DAB1: variants seen among roughly 807,000 people sequenced by gnomAD.
DAB1 encodes the protein disabled homolog 1.
Under a neutral mutation model 64.6 loss-of-function variants are expected in DAB1, and 15 were observed. That is an observed-to-expected ratio of 0.23 (90% confidence interval 0.16 to 0.36). The LOEUF is 0.36. Among genes scored for constraint, DAB1 ranks in the 10% least tolerant of loss-of-function variants. DAB1 has a pLI of 1.00. For missense variants in DAB1, 596 were observed against 706.7 expected, an observed-to-expected ratio of 0.84 and a Z score of 1.78; for synonymous variants, 235 against 251.9, an observed-to-expected ratio of 0.93 and a Z score of 0.64.
At chr1:58,219,466 C>G (rs1659042820) in intron 4 of DAB1, among the ~76,000 whole-genome samples, 1 of 152,158 alleles carries the variant, frequency 6.6e-6, no homozygotes, top group African/African-American at 2.4e-5. Context: ...CAGACTGGGC[C>G]TACCCAATCT....
At chr1:57,945,359 A>G (rs1645168733) in intron 5 of DAB1, among the ~76,000 whole-genome samples, 1 of 152,082 alleles carries the variant, frequency 6.6e-6, no homozygotes, top group South Asian at 2.1e-4. Context: ...TCCTGGGCTC[A>G]AGCCATCCTC....
intron 3 of DAB1, among the ~76,000 whole-genome samples, chr1:58,435,982 G>A (rs1042883176): frequency 6.6e-6 from 1 of 152,222 alleles, no homozygotes; most frequent in Non-Finnish European, 1.5e-5. Context: ...GACTAGTCAT[G>A]ATCTTTCCTC....
intron 3 of DAB1, among the ~76,000 whole-genome samples, chr1:58,376,525 T>G (rs1455435256): frequency 1.4e-5 from 2 of 145,240 alleles, no homozygotes; most frequent in African/African-American, 2.6e-5. Flanking sequence ...CTAGTTTGAT[T>G]GCACTGTGGT....
chr1:57,971,073 G>A (rs960289205), intron 5 of DAB1, among the ~76,000 whole-genome samples: 2 of 152,164 alleles, frequency 1.3e-5, no homozygotes, highest in Admixed American at 1.3e-4. Flanking sequence ...TACATCATCA[G>A]CCCCATTTAC....
At chr1:57,526,684 T>C (rs2101400994) in intron 7 of DAB1, among the ~76,000 whole-genome samples, 1 of 152,282 alleles carries the variant, frequency 6.6e-6, no homozygotes, top group Non-Finnish European at 1.5e-5. Context: ...ATAAGAAAGA[T>C]ATATTTTCTG....
At chr1:57,096,227 C>G (rs1654152883) in intron 4 of DAB1, among the ~76,000 whole-genome samples, 1 of 152,136 alleles carries the variant, frequency 6.6e-6, no homozygotes, top group African/African-American at 2.4e-5. Flanking sequence ...CACTCCAGAG[C>G]CGGTGGTTTT....
At chr1:58,228,607 C>A (rs569227483) in intron 4 of DAB1, 3 of 631,998 alleles carry the variant, frequency 4.7e-6, no homozygotes, top group African/African-American at 3.7e-5. Context: ...TTTCTTGGGA[C>A]CCAGATATGC....
At chr1:57,922,845 C>CAAAAAAAAAAAAAAAAAAAAAAAAAAAA (rs367897659) in intron 5 of DAB1, among the ~76,000 whole-genome samples, 1 of 45,010 alleles carries the variant, frequency 2.2e-5, no homozygotes, top group African/African-American at 1.1e-4. Flanking sequence ...GACTCCATCT[C>CAAAAAAAAAAAAAAAAAAAAAAAAAAAA]AAAAAAAAAA....
chr1:57,514,314 G>C (rs1281249944), intron 7 of DAB1, among the ~76,000 whole-genome samples: 2 of 152,164 alleles, frequency 1.3e-5, no homozygotes, highest in East Asian at 3.9e-4. Context: ...CAGTATACAA[G>C]GGTTCCCTTT....
At chr1:58,378,085 A>T (rs1372432940) in intron 3 of DAB1, among the ~76,000 whole-genome samples, 39 of 129,928 alleles carry the variant, frequency 3.0e-4, no homozygotes, top group Middle Eastern at 3.7e-3. Context: ...ATTCTTCTAA[A>T]TTTTTTTCAA....
rs527887620 is a variant in DAB1 at position 57,987,292 on chromosome 1, A to G, written n.388-103130T>C. Among the ~76,000 whole-genome samples, 3 of 152,138 alleles carry G rather than the reference A, an allele frequency of 2.0e-5. No individual in the cohort carries two copies. In the East Asian group the frequency reaches 5.8e-4, roughly 29 times the overall value. On this transcript the variant is annotated intron_variant and non_coding_transcript_variant, in intron 5 of 20. Coordinates refer to the DAB1 transcript ENST00000485760. ...AGCCACATAGACACATCCGGGTTCT[A>G]TTTTCTATAATGGTAACTTACAGTT... is the stretch of plus-strand genomic sequence containing the variant.
intron 6 of DAB1, among the ~76,000 whole-genome samples, chr1:57,774,671 T>C (rs11207105): frequency 0.17 from 26,473 of 151,774 alleles, 2,995 homozygotes; most frequent in Admixed American, 0.29. Context: ...AGCTGTATTG[T>C]TTTTCTTCTT....
chr1:58,153,922 C>G (rs1025341811), intron 4 of DAB1, among the ~76,000 whole-genome samples: 1 of 150,106 alleles, frequency 6.7e-6, no homozygotes, highest in African/African-American at 2.5e-5. Context: ...AGGACTCCCC[C>G]CAAAACTACT....
intron 14 of DAB1, among the ~76,000 whole-genome samples, chr1:57,004,559 A>G (rs912059630): frequency 6.6e-6 from 1 of 152,180 alleles, no homozygotes. Flanking sequence ...GGATCAGACT[A>G]AAGCTGGAAG....
intron 5 of DAB1, among the ~76,000 whole-genome samples, chr1:58,096,503 C>T (rs1042047820): frequency 4.6e-5 from 7 of 152,132 alleles, no homozygotes; most frequent in East Asian, 1.9e-4. Context: ...CTTATTTACA[C>T]GTCTGTTAAT....
At chr1:57,574,821 G>T (rs1347639838) in intron 7 of DAB1, among the ~76,000 whole-genome samples, 1 of 152,328 alleles carries the variant, frequency 6.6e-6, no homozygotes, top group South Asian at 2.1e-4. Flanking sequence ...GAATCCACAG[G>T]TGGCAGGGAT....
rs543089196 is a variant in DAB1, at chr1:57,658,547, C to T, written n.552-8882G>A. On this transcript the variant is annotated intron_variant and non_coding_transcript_variant, in intron 6 of 20. Coordinates refer to the DAB1 transcript ENST00000485760. ...CTCGATCTCCTGACCTTGTGATCCA[C>T]CCACCTCGGCCTCCCAAAGTTTCTT... is the stretch of plus-strand genomic sequence containing the variant. 3.3e-5 allele frequency among the ~76,000 whole-genome samples: 5 copies of T among 151,668 alleles called. No individual in the cohort carries two copies. The South Asian group carries it at 1.0e-3, about 32-fold the overall frequency.
chr1:58,285,799 G>A (rs566127931), intron 4 of DAB1, among the ~76,000 whole-genome samples: 1 of 152,218 alleles, frequency 6.6e-6, no homozygotes, highest in Non-Finnish European at 1.5e-5. Flanking sequence ...ATTCTTCACA[G>A]AATTAGAAAA....
intron 4 of DAB1, among the ~76,000 whole-genome samples, chr1:57,100,540 A>G (rs1654574531): frequency 6.6e-6 from 1 of 152,238 alleles, no homozygotes; most frequent in Admixed American, 6.5e-5. Context: ...ATACTGAATC[A>G]AAGGCACTAT....
Sources: gnomAD v4.1 joint callset for allele counts (sites outside exome capture counted in the v4.1 genomes callset) on GRCh38, gnomAD v4.1.1 for gene constraint, MANE v1.5 for transcripts, NCBI Gene and HGNC (gene_info 2026-07-23, HGNC 2026-07-21) for gene names.